Variants in TLCD4 observed in about 807,000 individuals in gnomAD.
TLCD4 encodes TLC domain containing 4.
TLCD4 carries 7 observed loss-of-function variants against 24.2 expected under a neutral mutation model. The ratio of observed to expected loss-of-function variants is 0.29; its 90% CI spans 0.16 to 0.54. The LOEUF is 0.54. Among genes scored for constraint, TLCD4 ranks in the 20% least tolerant of loss-of-function variants. The pLI is 0.95. For synonymous variants in TLCD4, 103 were observed against 106.4 expected (o/e 0.97, Z 0.20); for missense variants, 259 against 313.9 (o/e 0.82, Z 1.32).
chr1:95,156,101 A>G (rs903673968), intron 5 of TLCD4, among the ~76,000 whole-genome samples: 1 of 152,192 alleles, frequency 6.6e-6, no homozygotes, highest in East Asian at 1.9e-4. Flanking sequence ...GATTCTCCAG[A>G]GATAACTACT....
chr1:95,101,811 T>C, the TLCD4 span, among the ~76,000 whole-genome samples: 1 of 152,186 alleles, frequency 6.6e-6, no homozygotes, highest in Non-Finnish European at 1.5e-5. Flanking sequence ...ATTCTCAGCC[T>C]TAACTAGGAA....
intron 1 of TLCD4, among the ~76,000 whole-genome samples, chr1:95,121,631 G>C (rs554798141): frequency 3.4e-4 from 52 of 152,118 alleles, no homozygotes; most frequent in East Asian, 1.9e-3. Context: ...CCACCACCCC[G>C]GGCTAATTTT....
intron 6 of TLCD4, among the ~76,000 whole-genome samples, chr1:95,182,513 C>A (rs1031163605): frequency 6.6e-6 from 1 of 152,020 alleles, no homozygotes; most frequent in Non-Finnish European, 1.5e-5. Flanking sequence ...TGAAACTTTT[C>A]TTTTTTCTGG....
chr1:95,183,816 G>A (rs7366414), intron 6 of TLCD4, among the ~76,000 whole-genome samples: 51,808 of 151,748 alleles, frequency 0.34, 10,986 homozygotes, highest in Middle Eastern at 0.54. Context: ...CCAGCCTGGC[G>A]ACAGAGCAAG....
chr1:95,166,580 G>A (rs1357667904), intron 5 of TLCD4, among the ~76,000 whole-genome samples: 1 of 152,150 alleles, frequency 6.6e-6, no homozygotes, highest in Non-Finnish European at 1.5e-5. Context: ...GTAATGATCT[G>A]TCTAATCATC....
chr1:95,187,938 T>G (rs976226199), intron 6 of TLCD4, among the ~76,000 whole-genome samples: 3 of 152,056 alleles, frequency 2.0e-5, no homozygotes, highest in Non-Finnish European at 4.4e-5. Context: ...TCTCCGTGTG[T>G]GCATGGAGGA....
chr1:95,115,035 G>T (rs972354333), upstream of TLCD4, among the ~76,000 whole-genome samples: 1 of 148,818 alleles, frequency 6.7e-6, no homozygotes, highest in African/African-American at 2.5e-5. Flanking sequence ...AGGGAATATT[G>T]GTGAAACAAT....
rs150965690 is a variant in TLCD4 at position 95,125,155 on chromosome 1, G to T, written c.-12+7538G>T. 9.1e-4 allele frequency among the ~76,000 whole-genome samples: 139 copies of T among 152,206 alleles called. 1 individual carries two copies. Among genetic ancestry groups the T allele is most frequent in the African/African-American group, 3.2e-3 (134 of 41,530 alleles). ...CCAAATTCTTGCCTTGGGAATGTTG[G>T]CCTAAAACAGTTCTTCATTATCAAG... On this transcript the variant is annotated intron_variant, in intron 1 of 6. Coordinates refer to ENST00000370203, the MANE Select transcript of TLCD4 (RefSeq NM_152487.3).
the TLCD4 span, among the ~76,000 whole-genome samples, chr1:95,103,995 A>AT: frequency 6.6e-6 from 1 of 152,202 alleles, no homozygotes; most frequent in African/African-American, 2.4e-5. Flanking sequence ...ATGCTGATAG[A>AT]TTTTTAAATA....
At chr1:95,141,491 C>T (rs1677196770) in intron 1 of TLCD4, among the ~76,000 whole-genome samples, 1 of 152,144 alleles carries the variant, frequency 6.6e-6, no homozygotes, top group Admixed American at 6.5e-5. Context: ...TCTCCATTCT[C>T]TTCTGATTAC....
chr1:95,114,883 C>CT (rs1676400376), upstream of TLCD4, among the ~76,000 whole-genome samples: 1 of 151,654 alleles, frequency 6.6e-6, no homozygotes, highest in Non-Finnish European at 1.5e-5. Flanking sequence ...TGGATAAATA[C>CT]TTTCATTTCT....
the TLCD4 span, among the ~76,000 whole-genome samples, chr1:95,094,848 C>T: frequency 1.3e-5 from 2 of 152,208 alleles, no homozygotes; most frequent in Non-Finnish European, 2.9e-5. Context: ...ACTCCCTTAT[C>T]GCCTATCCTG....
At chr1:95,177,640 G>A (rs1037697572) in intron 6 of TLCD4, among the ~76,000 whole-genome samples, 5 of 152,110 alleles carry the variant, frequency 3.3e-5, no homozygotes, top group African/African-American at 1.2e-4. Flanking sequence ...AGGTCTCTAA[G>A]TGATGTATGC....
At chr1:95,097,241 T>C in the TLCD4 span, among the ~76,000 whole-genome samples, 18 of 152,366 alleles carry the variant, frequency 1.2e-4, no homozygotes, top group Non-Finnish European at 2.2e-4. Context: ...TATTCTCTTA[T>C]AGCTATTTTA....
intron 5 of TLCD4, among the ~76,000 whole-genome samples, chr1:95,162,251 T>C: frequency 6.6e-6 from 1 of 151,794 alleles, no homozygotes; most frequent in Admixed American, 6.6e-5. Context: ...TTTACCATTA[T>C]GTAATGGCCT....
chr1:95,167,973 C>T (rs78244858), intron 5 of TLCD4, among the ~76,000 whole-genome samples: 4,708 of 152,168 alleles, frequency 0.031, 126 homozygotes, highest in East Asian at 0.088. Context: ...CCTTTGACTC[C>T]GCCAGACTTC....
rs572814879 is a variant in TLCD4 at position 95,167,041 on chromosome 1, CCTCTTTTGAGTGCCTT to C, written c.400-6760_400-6745del. 1.9e-3 allele frequency among the ~76,000 whole-genome samples: 295 copies of C among 152,162 alleles called. 1 individual carries two copies. Among genetic ancestry groups the C allele is most frequent in the Non-Finnish European group, 3.3e-3 (227 of 67,988 alleles). ...TGAGCCACTGTACCTAGTTCTTTTT[CCTCTTTTGAGTGCCTT>C]CTCTTTTGAGTGCCGCATACTGATG... On this transcript the variant is annotated intron_variant, in intron 5 of 6. Coordinates refer to ENST00000370203, the MANE Select transcript of TLCD4 (RefSeq NM_152487.3).
intron 5 of TLCD4, among the ~76,000 whole-genome samples, chr1:95,156,396 G>T (rs1265564857): frequency 6.7e-6 from 1 of 149,936 alleles, no homozygotes; most frequent in Non-Finnish European, 1.5e-5. Context: ...GGTGATGGTT[G>T]TACATATGGA....
chr1:95,125,541 G>A (rs1411196267), intron 1 of TLCD4: 1 of 152,168 alleles, frequency 6.6e-6, no homozygotes, highest in Admixed American at 6.5e-5. Context: ...GAGGGAAAGA[G>A]TAGATCAAGG....
Sources: allele counts gnomAD v4.1 joint callset (sites outside exome capture counted in the v4.1 genomes callset), GRCh38; gene constraint gnomAD v4.1.1; transcripts MANE v1.5; gene names NCBI Gene and HGNC (gene_info 2026-07-23, HGNC 2026-07-21).